FGGY: variants seen among roughly 807,000 people sequenced by gnomAD.
FGGY encodes FGGY carbohydrate kinase domain-containing protein.
FGGY carries 72 observed loss-of-function variants against 71.3 expected under a neutral mutation model. The ratio of observed to expected loss-of-function variants is 1.01; its 90% CI spans 0.84 to 1.23. The LOEUF (loss-of-function observed/expected upper bound fraction) is 1.23, where lower values mean the gene tolerates loss of function less well. FGGY is among the 50% of genes most tolerant of loss of function. The pLI is 0.00. For missense variants in FGGY, 668 were observed against 682.3 expected, an observed-to-expected ratio of 0.98 and a Z score of 0.23; for synonymous variants, 251 against 250.3, an observed-to-expected ratio of 1.00 and a Z score of -0.02.
At chr1:59,743,717 C>T (rs2098169791) in intron 14 of FGGY, among the ~76,000 whole-genome samples, 1 of 152,118 alleles carries the variant, frequency 6.6e-6, no homozygotes, top group East Asian at 1.9e-4. Context: ...TTTGTAAACA[C>T]AGCTGACATA....
intron 8 of FGGY, among the ~76,000 whole-genome samples, chr1:59,591,938 T>C (rs2096449214): frequency 6.6e-6 from 1 of 152,106 alleles, no homozygotes; most frequent in Non-Finnish European, 1.5e-5. Flanking sequence ...AATTGACAAA[T>C]GGGATCTCAT....
In FGGY at chr1:59,471,726, G is replaced by A. The variant is rs542131760; in HGVS notation, c.670+14650G>A. 1.2e-3 allele frequency among the ~76,000 whole-genome samples: 185 copies of A among 152,302 alleles called. 1 individual carries two copies. The highest frequency in any genetic ancestry group is 2.5e-3 in the Admixed American group (39 of 15,306). ...GCCAGGTGCTGGGCTAAGTCCTAGG[G>A]ATACAAAAGTGAATTCATCATGGTC... On this transcript the variant is annotated intron_variant, in intron 6 of 15. Transcript: ENST00000303721.
rs553230909 is a variant in FGGY at position 59,475,913 on chromosome 1, G to C, written c.670+18837G>C. Among the ~76,000 whole-genome samples the C allele has an allele frequency of 2.6e-5, 4 of 152,270 alleles. No homozygotes were observed. The South Asian group carries it at 8.3e-4, about 32-fold the overall frequency. ...TTACTCTCCTGCTTAAATTCCTCCA[G>C]TGGCTCCCCATTGCAGCTGGGAAAA... On this transcript the variant is annotated intron_variant, in intron 6 of 15. Transcript: ENST00000303721.
At chr1:59,723,590 A>G (rs1232903238) in intron 14 of FGGY, among the ~76,000 whole-genome samples, 1 of 136,524 alleles carries the variant, frequency 7.3e-6, no homozygotes, top group Non-Finnish European at 1.6e-5. Context: ...GGGTTTTTTT[A>G]TCTTTAGTTT....
intron 7 of FGGY, among the ~76,000 whole-genome samples, chr1:59,542,866 C>T (rs2095465949): frequency 6.6e-6 from 1 of 152,012 alleles, no homozygotes; most frequent in African/African-American, 2.4e-5. Context: ...GAAGTGTCTC[C>T]CTCAAAGTCA....
chr1:59,720,970 A>G (rs1000523955), intron 14 of FGGY, among the ~76,000 whole-genome samples: 3 of 152,002 alleles, frequency 2.0e-5, no homozygotes, highest in Non-Finnish European at 4.4e-5. Context: ...CACACTTCCA[A>G]CTCAGGGCTT....
chr1:59,628,970 G>A (rs1461706039), intron 10 of FGGY, among the ~76,000 whole-genome samples: 1 of 152,120 alleles, frequency 6.6e-6, no homozygotes, highest in Non-Finnish European at 1.5e-5. Flanking sequence ...GTGATACAGA[G>A]TGATGATTAA....
At chr1:59,627,483 TATATATACACAC>T (rs1472776586) in intron 10 of FGGY, among the ~76,000 whole-genome samples, 6 of 128,032 alleles carry the variant, frequency 4.7e-5, no homozygotes, top group African/African-American at 1.8e-4. Context: ...TATATATATA[TATATATACACAC>T]ACACACACAC....
intron 3 of FGGY, among the ~76,000 whole-genome samples, chr1:59,342,368 TA>T (rs1420789422): frequency 6.6e-6 from 1 of 152,200 alleles, no homozygotes; most frequent in Non-Finnish European, 1.5e-5. Flanking sequence ...TAAATTTGCT[TA>T]AATATGTACC....
intron 11 of FGGY, among the ~76,000 whole-genome samples, chr1:59,639,754 G>T (rs993508973): frequency 6.6e-6 from 1 of 152,156 alleles, no homozygotes; most frequent in African/African-American, 2.4e-5. Flanking sequence ...AATGGTCATT[G>T]CTCTGGAGGT....
rs983278254 is a variant in FGGY, at chr1:59,652,729, A to G, written c.1222-7490A>G. On this transcript the variant is annotated intron_variant, in intron 11 of 15. Coordinates refer to ENST00000303721, the MANE Select transcript of FGGY (RefSeq NM_018291.5). ...TCCCGTAGCTCAGAGTAATTTGATC[A>G]TCTGAAGCCTTCTTCTCTCAGCTCG... Among the ~76,000 whole-genome samples, 4 of 150,594 alleles carry G rather than the reference A, an allele frequency of 2.7e-5. 1 individual carries two copies. The highest frequency in any genetic ancestry group is 6.0e-5 in the Non-Finnish European group (4 of 67,168).
intron 14 of FGGY, among the ~76,000 whole-genome samples, chr1:59,699,797 G>T (rs950905150): frequency 2.0e-4 from 31 of 152,196 alleles, no homozygotes; most frequent in African/African-American, 6.5e-4. Context: ...TAACAGGCAT[G>T]TCCCGCGTTG....
At chr1:59,331,601 G>A (rs1388862201) in intron 2 of FGGY, among the ~76,000 whole-genome samples, 1 of 151,056 alleles carries the variant, frequency 6.6e-6, no homozygotes, top group African/African-American at 2.4e-5. Context: ...TAATCCCCCT[G>A]AGTAATCACT....
chr1:59,361,808 C>A (rs1010700897), intron 4 of FGGY, among the ~76,000 whole-genome samples: 2 of 152,192 alleles, frequency 1.3e-5, no homozygotes, highest in Admixed American at 1.3e-4. Flanking sequence ...GCAGACAGAG[C>A]AGCTCTCCTC....
At chr1:59,600,294 A>T (rs1188507173) in intron 8 of FGGY, among the ~76,000 whole-genome samples, 1 of 152,244 alleles carries the variant, frequency 6.6e-6, no homozygotes, top group East Asian at 1.9e-4. Flanking sequence ...GTATCCTGAG[A>T]CAGAGATACT....
At chr1:59,513,810 T>C (rs2094573275) in intron 7 of FGGY, among the ~76,000 whole-genome samples, 1 of 152,218 alleles carries the variant, frequency 6.6e-6, no homozygotes, top group Admixed American at 6.5e-5. Flanking sequence ...GAGTGAAGAT[T>C]AATCTGTTTT....
At chr1:59,706,445 G>A (rs966392563) in intron 14 of FGGY, among the ~76,000 whole-genome samples, 1 of 152,226 alleles carries the variant, frequency 6.6e-6, no homozygotes, top group African/African-American at 2.4e-5. Context: ...ACATAGTACA[G>A]TACTCAGGGA....
chr1:59,376,098 A>G (rs903138131), intron 4 of FGGY, among the ~76,000 whole-genome samples: 4 of 152,268 alleles, frequency 2.6e-5, no homozygotes, highest in Non-Finnish European at 2.9e-5. Flanking sequence ...GCCAAAAGCC[A>G]TTCTGGTAGT....
intron 1 of FGGY, among the ~76,000 whole-genome samples, chr1:59,308,216 AAAG>A (rs1347625772): frequency 3.3e-5 from 5 of 152,330 alleles, no homozygotes; most frequent in African/African-American, 1.2e-4. Flanking sequence ...AGCATGGAGA[AAAG>A]AAGACCCAAC....
Sources: gnomAD v4.1 joint callset for allele counts (sites outside exome capture counted in the v4.1 genomes callset) on GRCh38, gnomAD v4.1.1 for gene constraint, MANE v1.5 for transcripts, NCBI Gene and HGNC (gene_info 2026-07-23, HGNC 2026-07-21) for gene names.